USP14: variants seen among roughly 807,000 people sequenced by gnomAD.
USP14 encodes ubiquitin specific peptidase 14.
A neutral mutation model predicts 76.5 loss-of-function variants in USP14; 38 were observed. The observed-to-expected ratio is 0.50, with a 90% CI of 0.38 to 0.65. USP14 has a LOEUF of 0.65. USP14 is among the 30% of genes least tolerant of loss of function. The probability of loss-of-function intolerance (pLI) is 0.00; values close to 1 mark genes in which losing one functional copy is unlikely to be tolerated. For missense variants in USP14, 467 were observed against 586.5 expected, an observed-to-expected ratio of 0.80 and a Z score of 2.10; for synonymous variants, 192 against 191.7, an observed-to-expected ratio of 1.00 and a Z score of -0.01.
chr18:184,045 G>C (rs1352913068), intron 5 of USP14, among the ~76,000 whole-genome samples: 1 of 152,012 alleles, frequency 6.6e-6, no homozygotes, highest in East Asian at 1.9e-4. Flanking sequence ...TTTATGTTTT[G>C]GAAAGAGTTC....
intron 4 of USP14, among the ~76,000 whole-genome samples, 199 bp from the exon 5 acceptor site, chr18:180,034 TATG>T (rs984983143): frequency 1.1e-4 from 17 of 152,118 alleles, no homozygotes; most frequent in African/African-American, 4.1e-4. Flanking sequence ...TAAAACATAA[TATG>T]ATGGCCAGCA....
intron 3 of USP14, among the ~76,000 whole-genome samples, chr18:173,177 C>G (rs1236754724): frequency 2.7e-5 from 4 of 150,868 alleles, no homozygotes; most frequent in African/African-American, 9.8e-5. Context: ...GGCACGATCT[C>G]GGCTCACTGC....
chr18:195,692 A>G (rs987555076), intron 6 of USP14, among the ~76,000 whole-genome samples: 4 of 152,168 alleles, frequency 2.6e-5, no homozygotes, highest in African/African-American at 9.7e-5. Context: ...CCCAGATTTA[A>G]ATCTCCAGGA....
chr18:196,465 G>A (rs1299113), intron 6 of USP14, 172 bp from the exon 7 acceptor site: 248,978 of 499,736 alleles, frequency 0.5, 63,789 homozygotes, highest in East Asian at 0.6. Flanking sequence ...CGGAGGTTGC[G>A]GTGAGCCGAG....
chr18:174,125 A>G (rs1163701109), intron 3 of USP14, among the ~76,000 whole-genome samples: 3 of 152,178 alleles, frequency 2.0e-5, no homozygotes, highest in Admixed American at 1.3e-4. Flanking sequence ...AATTGCATTG[A>G]ATCTGTATGT....
In USP14 at chr18:158,610, C is replaced by T. The variant is rs951774287; in HGVS notation, c.-89C>T. 1.8e-5 allele frequency: 25 copies of T among 1,427,662 alleles called. No homozygotes were observed. The African/African-American group carries it at 3.7e-4, about 21-fold the overall frequency. 88.4% of individuals were successfully genotyped at this position (1,427,662 alleles called of 1,614,324 possible). A position where few individuals can be genotyped will look rare whatever the true frequency, so the allele number is the denominator to read the frequency against. On this transcript the variant is annotated 5_prime_UTR_variant, in exon 1 of 16. Coordinates refer to ENST00000261601, the MANE Select transcript of USP14 (RefSeq NM_005151.4). ...GCCACCACCGCGCCTCCGCCTCGGC[C>T]GCCGCCGCAGCTGCTCCTGGTCCCC...
At chr18:203,252 C>A (rs1910431751) in intron 12 of USP14, 62 bp downstream of exon 12, 5 of 1,424,888 alleles carry the variant, frequency 3.5e-6, no homozygotes, top group Non-Finnish European at 2.9e-6. Context: ...TGCTAACTCA[C>A]AATTGCTTTC....
intron 1 of USP14, among the ~76,000 whole-genome samples, chr18:160,283 G>GA: frequency 6.6e-6 from 1 of 151,168 alleles, no homozygotes; most frequent in South Asian, 2.2e-4. Context: ...CAGTCTGGGT[G>GA]AAAAAAGCGA....
chr18:174,630 G>A (rs1321822773), intron 3 of USP14, among the ~76,000 whole-genome samples: 1 of 140,526 alleles, frequency 7.1e-6, no homozygotes, highest in Non-Finnish European at 1.5e-5. Context: ...TTTTTTTAAA[G>A]ACGAGGTCTT....
rs1013783673 is a variant in USP14 at position 198,469 on chromosome 18, T to C, written c.761+337T>C. On this transcript the variant is annotated intron_variant, in intron 9 of 15. Transcript: ENST00000261601. ...CAGGCTGGTATTGAACTCCTGACTT[T>C]AGTTGATCTACCCACCTTGGCCTCC... Among the ~76,000 whole-genome samples the C allele has an allele frequency of 3.9e-5, 6 of 152,264 alleles. No individual in the cohort carries two copies. The South Asian group carries it at 6.2e-4, about 16-fold the overall frequency.
At chr18:196,972 G>C (rs546773402) in intron 7 of USP14, among the ~76,000 whole-genome samples, 1 of 152,064 alleles carries the variant, frequency 6.6e-6, no homozygotes, top group Admixed American at 6.6e-5. Flanking sequence ...TACACAGCCC[G>C]CAATGTCCTT....
intron 3 of USP14, among the ~76,000 whole-genome samples, chr18:173,672 C>T (rs1468489999): frequency 1.3e-5 from 2 of 152,144 alleles, no homozygotes; most frequent in Middle Eastern, 3.2e-3. Context: ...ATCCGCCCAC[C>T]TCGGCCTCCC....
intron 15 of USP14, 53 bp from the exon 16 acceptor site, chr18:211,078 ACT>A: frequency 6.4e-7 from 1 of 1,561,672 alleles, no homozygotes; most frequent in Non-Finnish European, 8.7e-7. Context: ...TTGCAGTGGA[ACT>A]CTGAGACGAA....
chr18:208,206 A>G (rs1415143741), intron 13 of USP14, among the ~76,000 whole-genome samples: 1 of 151,994 alleles, frequency 6.6e-6, no homozygotes, highest in Non-Finnish European at 1.5e-5. Context: ...TATTCAAATG[A>G]TCTATTTCAT....
At chr18:163,501 T>C (rs1481824309) in intron 2 of USP14, 48 bp downstream of exon 2, 1 of 1,548,322 alleles carries the variant, frequency 6.5e-7, no homozygotes, top group South Asian at 1.2e-5. Context: ...TTGTATACTT[T>C]TTGAAAAATA....
chr18:174,503 T>C (rs1909569601), intron 3 of USP14, among the ~76,000 whole-genome samples: 2 of 151,958 alleles, frequency 1.3e-5, no homozygotes, highest in South Asian at 4.2e-4. Context: ...TGACTTAGAG[T>C]GATCCACCTG....
intron 3 of USP14, among the ~76,000 whole-genome samples, chr18:175,139 A>G (rs138830841): frequency 6.9e-4 from 105 of 152,320 alleles, no homozygotes; most frequent in African/African-American, 2.4e-3. Context: ...AATTTTTATA[A>G]TTGACTTTGT....
intron 5 of USP14, among the ~76,000 whole-genome samples, chr18:183,559 A>G (rs1366912559): frequency 6.6e-6 from 1 of 151,834 alleles, no homozygotes; most frequent in Non-Finnish European, 1.5e-5. Flanking sequence ...AATTTTTATA[A>G]TTTTTATGTG....
At chr18:163,479 A>G (rs576581713) in intron 2 of USP14, 26 bp downstream of exon 2, 3 of 1,592,654 alleles carry the variant, frequency 1.9e-6, no homozygotes, top group South Asian at 2.3e-5. Context: ...AATTTTCATC[A>G]CATTACTATT....
Sources: allele counts gnomAD v4.1 joint callset (sites outside exome capture counted in the v4.1 genomes callset), GRCh38; gene constraint gnomAD v4.1.1; transcripts MANE v1.5; gene names NCBI Gene and HGNC (gene_info 2026-07-23, HGNC 2026-07-21).